RGS7: variants seen among roughly 807,000 people sequenced by gnomAD.
The protein encoded by RGS7 is regulator of G protein signaling 7.
In RGS7, 27 loss-of-function variants were observed where a neutral mutation model predicts 81.1. That is an observed-to-expected ratio of 0.33 (90% CI 0.25 to 0.46). The LOEUF is 0.46. RGS7 is among the 20% of genes least tolerant of loss of function. The probability of loss-of-function intolerance (pLI) is 1.00; values close to 1 mark genes in which losing one functional copy is unlikely to be tolerated. For synonymous variants in RGS7, 208 were observed against 207.7 expected (o/e 1.00, Z -0.01); for missense variants, 396 against 607.4 (o/e 0.65, Z 3.66).
chr1:240,845,001 G>T (rs1339982594), intron 9 of RGS7, among the ~76,000 whole-genome samples: 2 of 152,174 alleles, frequency 1.3e-5, no homozygotes. Flanking sequence ...AAATAGGTAT[G>T]TAACTGATAT....
intron 18 of RGS7, among the ~76,000 whole-genome samples, chr1:240,780,400 A>G (rs1348071625): frequency 7.1e-6 from 1 of 140,514 alleles, no homozygotes; most frequent in East Asian, 2.1e-4. Flanking sequence ...AAGATAGGCC[A>G]CTGTACTCCA....
Position 241,084,113 on chromosome 1 carries a change from A to G in RGS7, c.175+14553T>C, listed in dbSNP as rs149451508. The stretch of plus-strand genomic sequence containing the variant: ...TCCTCAGTAAAACTTGCATTGGCCC[A>G]GTCCATTTTACCAAGTTTGCTCCTT... On this transcript the variant is annotated intron_variant, in intron 3 of 18. Coordinates refer to ENST00000440928, the MANE Select transcript of RGS7 (RefSeq NM_001364886.1). Among the ~76,000 whole-genome samples the G allele has an allele frequency of 7.3e-3, 1,106 of 152,366 alleles. 15 individuals carry two copies. The highest frequency in any genetic ancestry group is 0.023 in the African/African-American group (973 of 41,586).
intron 2 of RGS7, among the ~76,000 whole-genome samples, chr1:241,173,052 A>C (rs777885216): frequency 1.3e-5 from 2 of 152,198 alleles, no homozygotes; most frequent in Non-Finnish European, 2.9e-5. Context: ...TCTTCAATAC[A>C]GTTTCCAAAT....
chr1:240,929,073 T>C (rs1264326985), intron 6 of RGS7, among the ~76,000 whole-genome samples: 1 of 152,228 alleles, frequency 6.6e-6, no homozygotes, highest in Non-Finnish European at 1.5e-5. Flanking sequence ...AGGAAGTCAA[T>C]ATGATTTCTG....
intron 2 of RGS7, among the ~76,000 whole-genome samples, chr1:241,253,294 A>T (rs1236268144): frequency 6.6e-6 from 1 of 152,172 alleles, no homozygotes; most frequent in East Asian, 1.9e-4. Context: ...AGAGGTGAGA[A>T]ATAAAAGCCA....
intron 2 of RGS7, among the ~76,000 whole-genome samples, chr1:241,304,804 A>T (rs7543001): frequency 0.48 from 73,499 of 152,104 alleles, 18,485 homozygotes; most frequent in African/African-American, 0.61. Flanking sequence ...ATATTTGCAC[A>T]TATGTGATGT....
chr1:241,146,400 A>C (rs2068311758), intron 2 of RGS7, among the ~76,000 whole-genome samples: 1 of 152,176 alleles, frequency 6.6e-6, no homozygotes, highest in African/African-American at 2.4e-5. Flanking sequence ...GCATCTCCAG[A>C]TTTTGGTATC....
At chr1:241,261,941 T>C in intron 2 of RGS7, among the ~76,000 whole-genome samples, 1 of 152,140 alleles carries the variant, frequency 6.6e-6, no homozygotes, top group East Asian at 1.9e-4. Flanking sequence ...ATGTATTACA[T>C]ATATACTTTG....
At chr1:241,197,959 ATCTG>A (rs1441777647) in intron 2 of RGS7, among the ~76,000 whole-genome samples, 3 of 140,184 alleles carry the variant, frequency 2.1e-5, no homozygotes, top group Non-Finnish European at 4.7e-5. Flanking sequence ...CTATCTATCT[ATCTG>A]TCTACCTACC....
At chr1:241,030,400 A>T (rs2060021243) in intron 3 of RGS7, among the ~76,000 whole-genome samples, 1 of 146,098 alleles carries the variant, frequency 6.8e-6, no homozygotes, top group Non-Finnish European at 1.5e-5. Flanking sequence ...ACACACACAC[A>T]CTATATACAC....
At chr1:241,277,339 G>A (rs1271304040) in intron 2 of RGS7, among the ~76,000 whole-genome samples, 1 of 152,108 alleles carries the variant, frequency 6.6e-6, no homozygotes, top group Admixed American at 6.5e-5. Flanking sequence ...AAGCATGCAG[G>A]CCAGGCGTGG....
At chr1:240,943,029 A>C (rs1677868100) in intron 4 of RGS7, among the ~76,000 whole-genome samples, 1 of 152,228 alleles carries the variant, frequency 6.6e-6, no homozygotes, top group Non-Finnish European at 1.5e-5. Context: ...TTTGCATGTA[A>C]GAAAAATCAA....
chr1:241,084,046 G>T (rs1025966521), intron 3 of RGS7, among the ~76,000 whole-genome samples: 1 of 152,200 alleles, frequency 6.6e-6, no homozygotes, highest in African/African-American at 2.4e-5. Flanking sequence ...GTTATATAAG[G>T]TTCCTTAAAA....
intron 2 of RGS7, among the ~76,000 whole-genome samples, chr1:241,276,906 TAAAAG>T (rs904084584): frequency 6.6e-6 from 1 of 152,046 alleles, no homozygotes; most frequent in African/African-American, 2.4e-5. Flanking sequence ...CAGTTAAAAA[TAAAAG>T]AGAGAGAGAA....
intron 6 of RGS7, among the ~76,000 whole-genome samples, chr1:240,872,567 G>A (rs770758855): frequency 3.9e-5 from 6 of 152,222 alleles, no homozygotes; most frequent in Non-Finnish European, 8.8e-5. Flanking sequence ...ATATGCTCTT[G>A]ACCGGATAGG....
At chr1:240,909,659 A>C (rs904606843) in intron 6 of RGS7, among the ~76,000 whole-genome samples, 4 of 152,250 alleles carry the variant, frequency 2.6e-5, no homozygotes. Context: ...CGACAGAAGT[A>C]GTAGGCCAAT....
At chr1:241,304,532 T>C (rs2079968507) in intron 2 of RGS7, among the ~76,000 whole-genome samples, 1 of 152,082 alleles carries the variant, frequency 6.6e-6, no homozygotes, top group Non-Finnish European at 1.5e-5. Context: ...AGATGGGAAT[T>C]TGGGCTCTGG....
chr1:240,994,322 CATTT>C (rs890435266), intron 3 of RGS7, among the ~76,000 whole-genome samples: 25 of 152,218 alleles, frequency 1.6e-4, no homozygotes, highest in African/African-American at 5.8e-4. Flanking sequence ...TATGTCTCTC[CATTT>C]ATTTACATCT....
intron 2 of RGS7, among the ~76,000 whole-genome samples, chr1:241,320,055 C>T (rs1442575485): frequency 1.3e-5 from 2 of 152,110 alleles, no homozygotes; most frequent in African/African-American, 2.4e-5. Context: ...TGTGCCACTG[C>T]ACTCCAGCCT....
Sources: gnomAD v4.1 joint callset for allele counts (sites outside exome capture counted in the v4.1 genomes callset) on GRCh38, gnomAD v4.1.1 for gene constraint, MANE v1.5 for transcripts, NCBI Gene and HGNC (gene_info 2026-07-23, HGNC 2026-07-21) for gene names.